Variants in ARSJ observed in about 807,000 individuals in gnomAD.
ARSJ encodes arylsulfatase family member J.
In ARSJ, 26 loss-of-function variants were observed where a neutral mutation model predicts 35.9. That is an observed-to-expected ratio of 0.72 (90% CI 0.53 to 1.00). ARSJ has a LOEUF of 1.00. Ranked by LOEUF, ARSJ falls within the 50% of genes least tolerant of loss-of-function variation. The pLI, the probability that ARSJ is intolerant of heterozygous loss-of-function variation, is 0.00. For synonymous variants in ARSJ, 294 were observed against 267.6 expected, an observed-to-expected ratio of 1.10 and a Z score of -0.96; for missense variants, 667 against 723.6, an observed-to-expected ratio of 0.92 and a Z score of 0.90.
chr4:113,958,690 G>A (rs921574705), intron 1 of ARSJ, among the ~76,000 whole-genome samples: 4 of 152,054 alleles, frequency 2.6e-5, no homozygotes, highest in Non-Finnish European at 4.4e-5. Flanking sequence ...GAAGGATGTG[G>A]CATTGATGTA....
At chr4:113,919,310 C>A (rs977397781) in intron 1 of ARSJ, among the ~76,000 whole-genome samples, 2 of 151,944 alleles carry the variant, frequency 1.3e-5, no homozygotes, top group East Asian at 3.9e-4. Context: ...AGTGAAATCT[C>A]AAAGAAAAGG....
chr4:113,963,549 C>T (rs1191474507), intron 1 of ARSJ, among the ~76,000 whole-genome samples: 1 of 152,064 alleles, frequency 6.6e-6, no homozygotes, highest in Non-Finnish European at 1.5e-5. Context: ...TTACCTGCTG[C>T]AGGGTCCCTC....
chr4:113,953,988 A>G (rs754382908), intron 1 of ARSJ, among the ~76,000 whole-genome samples: 4 of 152,028 alleles, frequency 2.6e-5, no homozygotes, highest in Non-Finnish European at 5.9e-5. Flanking sequence ...AAAACAAGCT[A>G]GAGTACTATA....
chr4:113,964,950 GA>G (rs1053120248), intron 1 of ARSJ, among the ~76,000 whole-genome samples: 13 of 151,970 alleles, frequency 8.6e-5, no homozygotes, highest in Non-Finnish European at 1.0e-4. Flanking sequence ...AATATATGTG[GA>G]AAAAAATTAT....
intron 1 of ARSJ, among the ~76,000 whole-genome samples, chr4:113,965,341 T>C (rs1425441391): frequency 6.6e-6 from 1 of 152,110 alleles, no homozygotes; most frequent in African/African-American, 2.4e-5. Flanking sequence ...ATTTATTGTT[T>C]TCTACTCTAA....
At chr4:113,920,165 T>C (rs1247904637) in intron 1 of ARSJ, among the ~76,000 whole-genome samples, 1 of 152,168 alleles carries the variant, frequency 6.6e-6, no homozygotes, top group Non-Finnish European at 1.5e-5. Flanking sequence ...TGCCAAAGAT[T>C]GTAATTGTTC....
chr4:113,944,532 A>G (rs1725353893), intron 1 of ARSJ, among the ~76,000 whole-genome samples: 1 of 152,048 alleles, frequency 6.6e-6, no homozygotes, highest in South Asian at 2.1e-4. Flanking sequence ...CAGTGTCGAG[A>G]ACATATTGTC....
intron 1 of ARSJ, among the ~76,000 whole-genome samples, chr4:113,924,022 CAT>C (rs200292247): frequency 0.77 from 103,593 of 134,344 alleles, 39,760 homozygotes; most frequent in East Asian, 0.82. Context: ...ATAGAATCTA[CAT>C]ATATATATAT....
intron 1 of ARSJ, among the ~76,000 whole-genome samples, chr4:113,922,798 A>T (rs1020029768): frequency 3.9e-5 from 6 of 152,260 alleles, no homozygotes; most frequent in Admixed American, 2.6e-4. Context: ...TACTCCATGG[A>T]ACAGTGCAAT....
chr4:113,936,014 T>C (rs558725447), intron 1 of ARSJ, among the ~76,000 whole-genome samples: 159 of 152,108 alleles, frequency 1.0e-3, no homozygotes, highest in African/African-American at 3.6e-3. Context: ...AATCAGCCTG[T>C]TCATTTCCAT....
At chr4:113,931,513 C>T (rs1724448657) in intron 1 of ARSJ, among the ~76,000 whole-genome samples, 1 of 152,134 alleles carries the variant, frequency 6.6e-6, no homozygotes, top group Non-Finnish European at 1.5e-5. Context: ...TCCCATACTC[C>T]ATGCCTCATT....
intron 1 of ARSJ, chr4:113,944,130 A>G (rs916075920): frequency 6.6e-6 from 1 of 152,080 alleles, no homozygotes; most frequent in Non-Finnish European, 1.5e-5. Flanking sequence ...CGAACCAGGA[A>G]ACTCTGAGAA....
At chr4:113,919,907 G>A (rs1279007531) in intron 1 of ARSJ, among the ~76,000 whole-genome samples, 1 of 151,656 alleles carries the variant, frequency 6.6e-6, no homozygotes, top group East Asian at 1.9e-4. Flanking sequence ...TACCTAGCAG[G>A]AACCCTGCTT....
rs1235439768 is a variant in ARSJ at position 113,901,315 on chromosome 4, C to T, written c.*959G>A. Reference sequence around the variant, plus strand: ...TGTAAGGAATATATTCATCTTATTACATTCAAAATCTTGGTTGAACAATGA... The same window carrying T: ...TGTAAGGAATATATTCATCTTATTATATTCAAAATCTTGGTTGAACAATGA... On this transcript the variant is annotated 3_prime_UTR_variant, in exon 2 of 2. Coordinates refer to ENST00000315366, the MANE Select transcript of ARSJ (RefSeq NM_024590.4). 2 of 152,136 alleles carry T rather than the reference C, an allele frequency of 1.3e-5. No individual in the cohort carries two copies. The highest frequency in any genetic ancestry group is 6.5e-5 in the Admixed American group (1 of 15,274). The allele number at this position is 152,136 out of a possible 1,614,324, so 9.4% of individuals were successfully genotyped here.
rs771217252 is a variant in ARSJ, at chr4:113,902,838, G to A, written c.1236C>T (p.Arg412=). The change falls in exon 2 of 2, where the codon CGC becomes CGT. Residue 412 remains arginine (R), a synonymous_variant. Transcript: ENST00000315366. ...TATGCAAAATATCTACTCGGGGTGA[G>A]CGAAGACCCTCACTTATGGTCTCCC... ...DIWETISEGL[R]SPRVDILHNI... is the part of the protein sequence containing the mutation. The A allele has an allele frequency of 4.3e-6, 7 of 1,613,996 alleles. No homozygotes were observed. Among genetic ancestry groups the A allele is most frequent in the Non-Finnish European group, 5.9e-6 (7 of 1,180,034 alleles).
rs1005606803 is a variant in ARSJ, at chr4:113,977,131, C to T, written c.398+1306G>A. On this transcript the variant is annotated intron_variant, in intron 1 of 1. Coordinates refer to ENST00000315366, the MANE Select transcript of ARSJ (RefSeq NM_024590.4). ...AGCCATATATAAGGGTGTTTGGAAT[C>T]AGACATGAAGAACTTGACCTCTAGG... Among the ~76,000 whole-genome samples, 5 of 152,160 alleles carry T rather than the reference C, an allele frequency of 3.3e-5. No homozygotes were observed. In the East Asian group the frequency reaches 9.6e-4, roughly 29 times the overall value.
At position 113,950,457 on chromosome 4, in the gene ARSJ, C is replaced by T. The variant is rs1018668758; in HGVS notation, c.398+27980G>A. Among the ~76,000 whole-genome samples the T allele has an allele frequency of 2.0e-5, 3 of 152,030 alleles. No individual in the cohort carries two copies. The East Asian group carries it at 5.8e-4, about 30-fold the overall frequency. On this transcript the variant is annotated intron_variant, in intron 1 of 1. Coordinates refer to ENST00000315366, the MANE Select transcript of ARSJ (RefSeq NM_024590.4). ...TAGGTTTGGTTTGGTAATGAGGAAACAGCTCAAGAGAAGCATGGGAAAGGG... is the reference window on the plus strand; with the variant it reads ...TAGGTTTGGTTTGGTAATGAGGAAATAGCTCAAGAGAAGCATGGGAAAGGG...
intron 1 of ARSJ, among the ~76,000 whole-genome samples, chr4:113,961,168 G>A (rs2149280555): frequency 6.6e-6 from 1 of 152,122 alleles, no homozygotes; most frequent in South Asian, 2.1e-4. Context: ...CCTGGAGGAG[G>A]CATCCAGCAC....
chr4:113,929,944 T>C (rs1472141768), intron 1 of ARSJ, among the ~76,000 whole-genome samples: 2 of 152,114 alleles, frequency 1.3e-5, no homozygotes, highest in Non-Finnish European at 2.9e-5. Context: ...TGCATTTATT[T>C]TGCATAACTC....
Sources: allele counts gnomAD v4.1 joint callset (sites outside exome capture counted in the v4.1 genomes callset), GRCh38; gene constraint gnomAD v4.1.1; transcripts MANE v1.5; gene names NCBI Gene and HGNC (gene_info 2026-07-23, HGNC 2026-07-21).